TC2N: variants seen among roughly 807,000 people sequenced by gnomAD.
TC2N encodes tandem C2 domains, nuclear.
A neutral mutation model predicts 61.9 loss-of-function variants in TC2N; 51 were observed. The ratio of observed to expected loss-of-function variants is 0.82; its 90% CI spans 0.66 to 1.04. The LOEUF is 1.04. Among genes scored for constraint, TC2N ranks in the 50% least tolerant of loss-of-function variants. TC2N has a pLI of 0.00. For synonymous variants in TC2N, 204 were observed against 192.6 expected (o/e 1.06, Z -0.49); for missense variants, 556 against 566.7 (o/e 0.98, Z 0.19).
chr14:91,788,670 CAT>C (rs527768521), intron 9 of TC2N, among the ~76,000 whole-genome samples: 116 of 152,210 alleles, frequency 7.6e-4, no homozygotes, highest in African/African-American at 2.2e-3. Flanking sequence ...CCAACCTCTC[CAT>C]ATACATAACA....
At chr14:91,820,274 T>C (rs1262709488) in intron 1 of TC2N, among the ~76,000 whole-genome samples, 2 of 152,054 alleles carry the variant, frequency 1.3e-5, no homozygotes, top group Non-Finnish European at 2.9e-5. Flanking sequence ...GATTTATGTA[T>C]CATAACCAAG....
intron 1 of TC2N, among the ~76,000 whole-genome samples, chr14:91,856,891 T>C (rs186447717): frequency 3.7e-4 from 56 of 152,334 alleles, no homozygotes; most frequent in South Asian, 1.0e-3. Context: ...TTAGGAAATA[T>C]CCTTCAACGC....
intron 1 of TC2N, among the ~76,000 whole-genome samples, chr14:91,826,676 T>C (rs893024330): frequency 1.3e-5 from 2 of 152,134 alleles, no homozygotes; most frequent in South Asian, 2.1e-4. Flanking sequence ...CTTTTATAAG[T>C]AGTATGTAGT....
intron 1 of TC2N, among the ~76,000 whole-genome samples, chr14:91,845,137 A>AG (rs758261922): frequency 1.3e-5 from 2 of 152,062 alleles, no homozygotes; most frequent in Non-Finnish European, 2.9e-5. Context: ...CTGAAGCAGG[A>AG]GAATCACTTG....
In TC2N at chr14:91,867,322, A is replaced by C. The variant is rs767668577; in HGVS notation, c.-117T>G. On this transcript the variant is annotated 5_prime_UTR_variant, in exon 1 of 12. Coordinates refer to ENST00000435962, the MANE Select transcript of TC2N (RefSeq NM_001128596.3). ...GAGGCGCTCGGTGCAAAGCTCACGT[A>C]AACCTTCAGCATTTCTGATTCCATC... is the stretch of plus-strand genomic sequence containing the variant. 2 of 152,280 alleles carry C rather than the reference A, an allele frequency of 1.3e-5. No homozygotes were observed. The highest frequency in any genetic ancestry group is 2.4e-5 in the African/African-American group (1 of 41,444). The allele number at this position is 152,280 out of a possible 1,614,324, so 9.4% of individuals were successfully genotyped here. A position where few individuals can be genotyped will look rare whatever the true frequency, so the allele number is the denominator to read the frequency against.
chr14:91,800,366 TCA>T lies in TC2N; in HGVS notation c.474_475del (p.Cys158Ter). On this transcript the variant is annotated stop_gained and frameshift_variant, in exon 5 of 12. Coordinates refer to ENST00000435962, the MANE Select transcript of TC2N (RefSeq NM_001128596.3). LOFTEE classifies it high-confidence loss of function. ...ACCGGGAAGTTTGTTCGTCCTTAAA[TCA>T]CAAACTACAAAGGGATATGAGAAAA... is the stretch of plus-strand genomic sequence containing the variant. The T allele has an allele frequency of 6.3e-7, 1 of 1,588,828 alleles. No homozygotes were observed. The highest frequency in any genetic ancestry group is 1.1e-5 in the South Asian group (1 of 88,996).
At chr14:91,800,485 C>A in intron 4 of TC2N, 113 bp from the exon 5 acceptor site, 1 of 511,282 alleles carries the variant, frequency 2.0e-6, no homozygotes, top group Non-Finnish European at 3.3e-6. Context: ...TGCAAATCTA[C>A]AGAAGAGATA....
chr14:91,804,606 T>C (rs1366964090), intron 3 of TC2N, among the ~76,000 whole-genome samples: 1 of 152,116 alleles, frequency 6.6e-6, no homozygotes, highest in Non-Finnish European at 1.5e-5. Context: ...TACTGACAAT[T>C]ACTTGAATTA....
At chr14:91,828,264 A>G (rs941967383) in intron 1 of TC2N, among the ~76,000 whole-genome samples, 3 of 152,138 alleles carry the variant, frequency 2.0e-5, no homozygotes, top group Non-Finnish European at 2.9e-5. Context: ...ACATGGACAC[A>G]TTATCTAGCT....
At chr14:91,849,776 A>C (rs1460314743) in intron 1 of TC2N, among the ~76,000 whole-genome samples, 1 of 152,216 alleles carries the variant, frequency 6.6e-6, no homozygotes, top group African/African-American at 2.4e-5. Context: ...GGCCAGGCAC[A>C]GTGGCTTACC....
chr14:91,851,835 G>T (rs1727278449), intron 1 of TC2N, among the ~76,000 whole-genome samples: 1 of 152,160 alleles, frequency 6.6e-6, no homozygotes, highest in African/African-American at 2.4e-5. Flanking sequence ...ATACGTGGTG[G>T]AGTCTAGCTA....
chr14:91,808,150 G>C (rs534556794), intron 3 of TC2N, among the ~76,000 whole-genome samples: 1 of 152,100 alleles, frequency 6.6e-6, no homozygotes, highest in Non-Finnish European at 1.5e-5. Context: ...CCCAGTCTCA[G>C]GTATGTATTC....
intron 1 of TC2N, among the ~76,000 whole-genome samples, chr14:91,821,285 GAATTA>G (rs1280533393): frequency 6.6e-6 from 1 of 151,904 alleles, no homozygotes; most frequent in Non-Finnish European, 1.5e-5. Flanking sequence ...TAAATCAATA[GAATTA>G]AATTCAGAGC....
intron 4 of TC2N, 66 bp downstream of exon 4, chr14:91,802,188 T>C: frequency 7.3e-7 from 1 of 1,379,140 alleles, no homozygotes; most frequent in South Asian, 1.7e-5. Context: ...TTCCCATATC[T>C]TACATTTGAT....
At chr14:91,810,055 G>C (rs1257812880) in intron 3 of TC2N, among the ~76,000 whole-genome samples, 1 of 152,190 alleles carries the variant, frequency 6.6e-6, no homozygotes, top group Non-Finnish European at 1.5e-5. Flanking sequence ...GCCAGCATCT[G>C]CTTCTAATCA....
intron 1 of TC2N, among the ~76,000 whole-genome samples, chr14:91,861,835 A>C (rs1466923633): frequency 2.6e-5 from 4 of 152,008 alleles, no homozygotes; most frequent in Non-Finnish European, 4.4e-5. Context: ...TTGAGCCTGG[A>C]AGGTGGAAGT....
At position 91,797,925 on chromosome 14, in the gene TC2N, T is replaced by C. The variant is rs764681235; in HGVS notation, c.739-24A>G. ...CACTAAAAAAATTAAAAATACAGTT[T>C]GAATTTTACAAAGGATCCAACAATA... is the stretch of plus-strand genomic sequence containing the variant. On this transcript the variant is annotated intron_variant, in intron 7 of 11. Coordinates refer to ENST00000435962, the MANE Select transcript of TC2N (RefSeq NM_001128596.3). 5 of 1,379,548 alleles carry C rather than the reference T, an allele frequency of 3.6e-6. No individual in the cohort carries two copies. The African/African-American group carries it at 7.2e-5, about 20-fold the overall frequency. 85.5% of individuals were successfully genotyped at this position (1,379,548 alleles called of 1,614,324 possible). A position where few individuals can be genotyped will look rare whatever the true frequency, so the allele number is the denominator to read the frequency against.
chr14:91,819,136 A>C (rs942500407), intron 1 of TC2N, among the ~76,000 whole-genome samples: 1 of 152,146 alleles, frequency 6.6e-6, no homozygotes, highest in Non-Finnish European at 1.5e-5. Flanking sequence ...CCAGAGAAAA[A>C]AGACATGTTA....
At chr14:91,790,672 A>T (rs1481118228) in intron 9 of TC2N, among the ~76,000 whole-genome samples, 1 of 151,916 alleles carries the variant, frequency 6.6e-6, no homozygotes, top group Non-Finnish European at 1.5e-5. Flanking sequence ...CTTCTTATAT[A>T]CTCTGTTTTT....
Sources: gnomAD v4.1 joint callset for allele counts (sites outside exome capture counted in the v4.1 genomes callset) on GRCh38, gnomAD v4.1.1 for gene constraint, MANE v1.5 for transcripts, NCBI Gene and HGNC (gene_info 2026-07-23, HGNC 2026-07-21) for gene names.